PLSCR2: variants seen among roughly 807,000 people sequenced by gnomAD.
PLSCR2 encodes the protein PL scramblase 2.
PLSCR2 carries 18 observed loss-of-function variants against 25.3 expected under a neutral mutation model. That is an observed-to-expected ratio of 0.71 (90% confidence interval 0.49 to 1.06). The LOEUF (loss-of-function observed/expected upper bound fraction) is 1.06. Among genes scored for constraint, PLSCR2 ranks in the 50% least tolerant of loss-of-function variants. The pLI is 0.00. For missense variants in PLSCR2, 243 were observed against 269.5 expected, an observed-to-expected ratio of 0.90 and a Z score of 0.69; for synonymous variants, 88 against 87.3, an observed-to-expected ratio of 1.01 and a Z score of -0.04.
chr3:146,466,045 T>C (rs577239485), intron 1 of PLSCR2, among the ~76,000 whole-genome samples: 14 of 152,352 alleles, frequency 9.2e-5, no homozygotes, highest in African/African-American at 3.1e-4. Flanking sequence ...AGGCCAGTTA[T>C]TAATGCAAAG....
At position 146,455,223 on chromosome 3, in the gene PLSCR2, G is replaced by C. The variant is rs778536173; in HGVS notation, c.321+16C>G. 3.2e-6 allele frequency: 5 copies of C among 1,540,294 alleles called. No individual in the cohort carries two copies. In the South Asian group the frequency reaches 4.5e-5, roughly 14 times the overall value. Reference sequence around the variant, plus strand: ...CTGAACTACTTTATGAAAAGCTCTAGTAATTGCTCACATACCTCCTGAAGG... The same window carrying C: ...CTGAACTACTTTATGAAAAGCTCTACTAATTGCTCACATACCTCCTGAAGG... On this transcript the variant is annotated intron_variant, in intron 4 of 6. Transcript: ENST00000610787.
chr3:146,489,793 C>T (rs1000986319), intron 1 of PLSCR2, among the ~76,000 whole-genome samples: 2 of 152,074 alleles, frequency 1.3e-5, no homozygotes, highest in Non-Finnish European at 2.9e-5. Flanking sequence ...GGAATAATCT[C>T]CCATCTAGAG....
chr3:146,430,476 C>A (rs572254284), downstream of PLSCR2, among the ~76,000 whole-genome samples: 1 of 152,272 alleles, frequency 6.6e-6, no homozygotes, highest in Admixed American at 6.5e-5. Context: ...CACTTCACAG[C>A]ATCAGTAGCA....
At chr3:146,412,497 C>T (rs113753023) in intron 2 of PLSCR2, among the ~76,000 whole-genome samples, 4 of 152,126 alleles carry the variant, frequency 2.6e-5, no homozygotes, top group Non-Finnish European at 5.9e-5. Flanking sequence ...GCATGAGTTG[C>T]ACTTGGGCCT....
intron 5 of PLSCR2, among the ~76,000 whole-genome samples, chr3:146,452,052 G>A (rs2040930204): frequency 6.6e-6 from 1 of 152,202 alleles, no homozygotes; most frequent in Admixed American, 6.5e-5. Flanking sequence ...TTTATAGCTA[G>A]TTGGTTAGAC....
chr3:146,445,791 T>C (rs1335759373), intron 6 of PLSCR2, among the ~76,000 whole-genome samples: 1 of 152,180 alleles, frequency 6.6e-6, no homozygotes, highest in South Asian at 2.1e-4. Context: ...AGATTTGCCG[T>C]TTTGAGGCTG....
At chr3:146,476,979 C>T (rs1287647408) in intron 1 of PLSCR2, among the ~76,000 whole-genome samples, 1 of 152,210 alleles carries the variant, frequency 6.6e-6, no homozygotes, top group African/African-American at 2.4e-5. Flanking sequence ...CCCCTAAGAA[C>T]AGCACACCTG....
intron 2 of PLSCR2, among the ~76,000 whole-genome samples, chr3:146,458,953 T>C (rs2041389076): frequency 6.6e-6 from 1 of 152,140 alleles, no homozygotes; most frequent in Non-Finnish European, 1.5e-5. Flanking sequence ...TGCAAGTGCA[T>C]TGTGGAAAAT....
intron 2 of PLSCR2, among the ~76,000 whole-genome samples, chr3:146,400,618 T>G (rs574855390): frequency 8.4e-4 from 124 of 147,308 alleles, no homozygotes; most frequent in African/African-American, 3.0e-3. Flanking sequence ...ATATGATAGG[T>G]TTTTTTTTTG....
chr3:146,472,916 G>T (rs1409532633), intron 1 of PLSCR2, among the ~76,000 whole-genome samples: 1 of 152,234 alleles, frequency 6.6e-6, no homozygotes, highest in African/African-American at 2.4e-5. Context: ...CTGGCTTGCA[G>T]ACAGTCCCTT....
intron 6 of PLSCR2, among the ~76,000 whole-genome samples, chr3:146,442,994 G>A (rs1032710833): frequency 3.9e-5 from 6 of 152,104 alleles, no homozygotes; most frequent in African/African-American, 1.4e-4. Context: ...CACAGCAAAG[G>A]AAGCAATAAA....
rs1553791429 is a variant in PLSCR2, at chr3:146,483,428, A to AT, written c.-293+12466_-293+12467insA. ...CACATGTACCCTAGAACTTAAACTT[A>AT]ATATATATATATATACACATGTATG... On this transcript the variant is annotated intron_variant, in intron 1 of 8. Transcript: ENST00000336685. Among the ~76,000 whole-genome samples, 621 of 103,574 alleles carry AT rather than the reference A, an allele frequency of 6.0e-3. 17 individuals carry two copies. Among genetic ancestry groups the AT allele is most frequent in the African/African-American group, 0.021 (540 of 26,146 alleles). 67.9% of individuals were successfully genotyped at this position (103,574 alleles called of 152,430 possible).
At chr3:146,423,471 T>A (rs2039231068) in intron 2 of PLSCR2, among the ~76,000 whole-genome samples, 1 of 152,002 alleles carries the variant, frequency 6.6e-6, no homozygotes, top group African/African-American at 2.4e-5. Flanking sequence ...AAAATAAAGA[T>A]TATGCTACAA....
downstream of PLSCR2, among the ~76,000 whole-genome samples, chr3:146,439,792 G>T (rs574156623): frequency 5.3e-5 from 8 of 152,060 alleles, no homozygotes; most frequent in East Asian, 1.5e-3. Context: ...GTCATTCCCC[G>T]TCCAGCTTTG....
chr3:146,469,478 G>A lies in PLSCR2; in HGVS notation c.-292-9194C>T. On this transcript the variant is annotated intron_variant, in intron 1 of 8. Transcript: ENST00000336685. ...CCCAGTCCCATAGGGAGGCGACTGA[G>A]AAAGCCGCCCCCTTACCCGTGGCTG... 1 of 977,388 alleles carries A rather than the reference G, an allele frequency of 1.0e-6. No homozygotes were observed. 60.5% of individuals were successfully genotyped at this position (977,388 alleles called of 1,614,324 possible). A position where few individuals can be genotyped will look rare whatever the true frequency, so the allele number is the denominator to read the frequency against.
chr3:146,435,600 C>G (rs1209778712), intron 8 of PLSCR2, among the ~76,000 whole-genome samples: 9 of 152,264 alleles, frequency 5.9e-5, no homozygotes, highest in Non-Finnish European at 1.2e-4. Flanking sequence ...ATATCCTTCG[C>G]CCACTTTTTG....
intron 2 of PLSCR2, among the ~76,000 whole-genome samples, chr3:146,402,129 C>T (rs1433918365): frequency 6.6e-6 from 1 of 151,922 alleles, no homozygotes; most frequent in Non-Finnish European, 1.5e-5. Context: ...TTCACTACTG[C>T]ACTATTTAGA....
At chr3:146,447,453 A>T (rs2040618526) in intron 6 of PLSCR2, among the ~76,000 whole-genome samples, 1 of 152,178 alleles carries the variant, frequency 6.6e-6, no homozygotes, top group South Asian at 2.1e-4. Flanking sequence ...TCAAGGCAGC[A>T]GGTTCCCTTC....
chr3:146,404,828 GGGT>G (rs1559970856), intron 2 of PLSCR2, among the ~76,000 whole-genome samples: 1 of 150,324 alleles, frequency 6.7e-6, no homozygotes, highest in Non-Finnish European at 1.5e-5. Context: ...AAAAGGGGGG[GGGT>G]GGTGGTTAAC....
Sources: gnomAD v4.1 joint callset for allele counts (sites outside exome capture counted in the v4.1 genomes callset) on GRCh38, gnomAD v4.1.1 for gene constraint, MANE v1.5 for transcripts, NCBI Gene and HGNC (gene_info 2026-07-23, HGNC 2026-07-21) for gene names.